CYB5R4: variants seen among roughly 807,000 people sequenced by gnomAD.
CYB5R4 encodes N-terminal cytochrome b5 and cytochrome b5 oxidoreductase domain-containing protein.
CYB5R4 carries 55 observed loss-of-function variants against 70.2 expected under a neutral mutation model. The observed-to-expected ratio is 0.78, with a 90% CI of 0.63 to 0.98. The LOEUF is 0.98. Ranked by LOEUF, CYB5R4 falls within the 50% of genes least tolerant of loss-of-function variation. The pLI is 0.00. For synonymous variants in CYB5R4, 197 were observed against 199.5 expected (o/e 0.99, Z 0.11); for missense variants, 562 against 612.6 (o/e 0.92, Z 0.87).
chr6:83,939,988 C>A, intron 12 of CYB5R4, 68 bp from the exon 13 acceptor site: 1 of 1,198,020 alleles, frequency 8.3e-7, no homozygotes, highest in Non-Finnish European at 1.2e-6. Context: ...TCTTAGTTTC[C>A]CCGCTGGGTT....
chr6:83,875,787 T>C (rs2099458440), intron 2 of CYB5R4, among the ~76,000 whole-genome samples: 1 of 152,182 alleles, frequency 6.6e-6, no homozygotes. Flanking sequence ...ATCAATATTA[T>C]TATCTTTGAA....
At chr6:83,946,665 G>A (rs999278505) in intron 14 of CYB5R4, among the ~76,000 whole-genome samples, 2 of 152,170 alleles carry the variant, frequency 1.3e-5, no homozygotes, top group African/African-American at 2.4e-5. Context: ...TGTATATTTA[G>A]AAAGCCCCAT....
At chr6:83,901,685 A>G (rs976803453) in intron 3 of CYB5R4, among the ~76,000 whole-genome samples, 1 of 145,802 alleles carries the variant, frequency 6.9e-6, no homozygotes, top group East Asian at 2.0e-4. Flanking sequence ...TTACATCCTC[A>G]CCAGCGTCTA....
Position 83,918,036 on chromosome 6 carries a change from A to G in CYB5R4, c.477A>G (p.Thr159=). 1.2e-6 allele frequency: 2 copies of G among 1,611,470 alleles called. No individual in the cohort carries two copies. The highest frequency in any genetic ancestry group is 1.7e-6 in the Non-Finnish European group (2 of 1,178,002). The change falls in exon 6 of 16, where the codon ACA becomes ACG. Residue 159 remains threonine (T), a synonymous_variant. Transcript: ENST00000369681. ...GMLPKSQVTD[T]LAKEGPSYPS... ...TTCCCAAGAGCCAAGTGACAGATAC[A>G]CTTGCCAAAGAAGGTCCTAGTTATC...
intron 15 of CYB5R4, among the ~76,000 whole-genome samples, chr6:83,956,510 C>A (rs1433911949): frequency 1.3e-5 from 2 of 152,026 alleles, no homozygotes; most frequent in Non-Finnish European, 2.9e-5. Context: ...TTGTGGAGAC[C>A]AAGGTTCTTT....
chr6:83,882,734 T>A (rs976541156), intron 2 of CYB5R4, among the ~76,000 whole-genome samples: 18 of 152,162 alleles, frequency 1.2e-4, no homozygotes, highest in African/African-American at 3.9e-4. Flanking sequence ...ACGCCTATAA[T>A]CCCAGCAGTA....
At chr6:83,871,908 A>C (rs1044906049) in intron 2 of CYB5R4, among the ~76,000 whole-genome samples, 3 of 151,614 alleles carry the variant, frequency 2.0e-5, no homozygotes, top group Admixed American at 6.6e-5. Context: ...GAAGTTTATC[A>C]ATTTTATTAA....
intron 2 of CYB5R4, among the ~76,000 whole-genome samples, chr6:83,866,138 G>C (rs1588557531): frequency 6.6e-6 from 1 of 152,270 alleles, no homozygotes; most frequent in East Asian, 1.9e-4. Context: ...CCTGAGTTCT[G>C]TTTCTGCACT....
At chr6:83,909,557 A>G (rs933124467) in intron 4 of CYB5R4, among the ~76,000 whole-genome samples, 17 of 152,066 alleles carry the variant, frequency 1.1e-4, no homozygotes, top group Non-Finnish European at 2.2e-4. Context: ...TCTGAGATGG[A>G]AGAGGGATTT....
chr6:83,915,300 T>C (rs1015460782), intron 5 of CYB5R4, among the ~76,000 whole-genome samples: 1 of 152,224 alleles, frequency 6.6e-6, no homozygotes, highest in African/African-American at 2.4e-5. Flanking sequence ...AAAAGCAAGT[T>C]ACAGAAATGC....
chr6:83,878,443 G>T (rs942960601), intron 2 of CYB5R4, among the ~76,000 whole-genome samples: 7 of 152,050 alleles, frequency 4.6e-5, no homozygotes, highest in Non-Finnish European at 1.0e-4. Context: ...CGCCTCCCGG[G>T]TTCACGCCAT....
chr6:83,886,052 C>A lies in CYB5R4; in HGVS notation c.230-7470C>A, dbSNP rs187399429. Among the ~76,000 whole-genome samples, 60 of 152,260 alleles carry A rather than the reference C, an allele frequency of 3.9e-4. No individual in the cohort carries two copies. The East Asian group carries it at 9.3e-3, about 23-fold the overall frequency. ...ATTCATAAAGACAAGGAATTTATTT[C>A]TTACAGTTATAGAGGCTGAGAAGTC... On this transcript the variant is annotated intron_variant, in intron 2 of 15. Transcript: ENST00000369681.
chr6:83,914,413 C>T lies in CYB5R4; in HGVS notation c.413-3C>T. ...TGACTTTTTTTTCTAAATCACTATA[C>T]AGACTATCGTGAGGAGGAAAAGAAA... On this transcript the variant is annotated splice_polypyrimidine_tract_variant and splice_region_variant and intron_variant, in intron 4 of 15. Coordinates refer to ENST00000369681, the MANE Select transcript of CYB5R4 (RefSeq NM_016230.4). 3 of 1,533,620 alleles carry T rather than the reference C, an allele frequency of 2.0e-6. No homozygotes were observed. Among genetic ancestry groups the T allele is most frequent in the Non-Finnish European group, 2.7e-6 (3 of 1,126,968 alleles).
At chr6:83,898,263 C>T (rs1414810794) in intron 3 of CYB5R4, among the ~76,000 whole-genome samples, 7 of 152,096 alleles carry the variant, frequency 4.6e-5, no homozygotes, top group Non-Finnish European at 1.0e-4. Flanking sequence ...TGTCAAAGAT[C>T]AGATAGTTGT....
rs2099474089 is a variant in CYB5R4 at position 83,966,481 on chromosome 6, C to T, written c.*6603C>T. On this transcript the variant is annotated 3_prime_UTR_variant, in exon 16 of 16. Coordinates refer to ENST00000369681, the MANE Select transcript of CYB5R4 (RefSeq NM_016230.4). ...CCGAGGCGGGTGGATCACCTGAGGTCGGGAGTTTGAGACCAGCCTGACCAA... is the reference window on the plus strand; with the variant it reads ...CCGAGGCGGGTGGATCACCTGAGGTTGGGAGTTTGAGACCAGCCTGACCAA... 1 of 152,088 alleles carries T rather than the reference C, an allele frequency of 6.6e-6. No homozygotes were observed. The highest frequency in any genetic ancestry group is 2.1e-4 in the South Asian group (1 of 4,822). The allele number at this position is 152,088 out of a possible 1,614,324, so 9.4% of individuals were successfully genotyped here.
At position 83,960,735 on chromosome 6, in the gene CYB5R4, T is replaced by G. The variant is rs2099473201; in HGVS notation, c.*857T>G. The G allele has an allele frequency of 1.3e-5, 2 of 152,218 alleles. No homozygotes were observed. The highest frequency in any genetic ancestry group is 4.8e-5 in the African/African-American group (2 of 41,458). 9.4% of individuals were successfully genotyped at this position (152,218 alleles called of 1,614,324 possible). A position where few individuals can be genotyped will look rare whatever the true frequency, so the allele number is the denominator to read the frequency against. On this transcript the variant is annotated 3_prime_UTR_variant, in exon 16 of 16. Transcript: ENST00000369681. ...AAATCAGCTGGAAAAATGAGGAACA[T>G]TCTGCCTTGAATGGTTCTTCCCCTG...
chr6:83,897,466 T>C (rs2099462097), intron 3 of CYB5R4, among the ~76,000 whole-genome samples: 1 of 152,204 alleles, frequency 6.6e-6, no homozygotes, highest in African/African-American at 2.4e-5. Flanking sequence ...CTCTGAGGAA[T>C]TGCCACACTG....
intron 14 of CYB5R4, among the ~76,000 whole-genome samples, chr6:83,943,469 C>G (rs1239605572): frequency 6.6e-6 from 1 of 151,962 alleles, no homozygotes; most frequent in Non-Finnish European, 1.5e-5. Flanking sequence ...AGGTCACCAA[C>G]AGCAAAGACC....
rs61756917 is a variant in CYB5R4, at chr6:83,951,995, C to T, written c.1347-3303C>T. Among the ~76,000 whole-genome samples the T allele has an allele frequency of 3.9e-3, 591 of 152,236 alleles. 1 individual carries two copies. The highest frequency in any genetic ancestry group is 6.5e-3 in the Non-Finnish European group (443 of 68,008). ...CAATGAAAACACTTAGCAGAGAATA[C>T]TATACCCAGCCTACATTGTCATTGT... On this transcript the variant is annotated intron_variant, in intron 14 of 15. Coordinates refer to ENST00000369681, the MANE Select transcript of CYB5R4 (RefSeq NM_016230.4).
Sources: allele counts gnomAD v4.1 joint callset (sites outside exome capture counted in the v4.1 genomes callset), GRCh38; gene constraint gnomAD v4.1.1; transcripts MANE v1.5; gene names NCBI Gene and HGNC (gene_info 2026-07-23, HGNC 2026-07-21).